Variants in CCAR2 observed in about 807,000 individuals in gnomAD.
The protein encoded by CCAR2 is cell cycle and apoptosis regulator 2.
Under a neutral mutation model 108.1 loss-of-function variants are expected in CCAR2, and 21 were observed. The observed-to-expected ratio is 0.19, with a 90% confidence interval of 0.14 to 0.28. The LOEUF (loss-of-function observed/expected upper bound fraction) is 0.28. CCAR2 is among the 10% of genes least tolerant of loss of function. The pLI is 1.00. For synonymous variants in CCAR2, 577 were observed against 472.8 expected (o/e 1.22, Z -2.86); for missense variants, 1,126 against 1,177.0 (o/e 0.96, Z 0.63).
At chr8:22,616,324 C>T (rs980763312) in intron 14 of CCAR2, 76 bp downstream of exon 14, 92 of 1,398,264 alleles carry the variant, frequency 6.6e-5, no homozygotes, top group African/African-American at 2.6e-4. Context: ...CTGTTCCGAG[C>T]GCTTCCTGTG....
rs183411832 is a variant in CCAR2, at chr8:22,612,456, C to T, written c.585-561C>T. Among the ~76,000 whole-genome samples the T allele has an allele frequency of 3.9e-3, 593 of 150,540 alleles. 4 individuals are homozygous for T. Among genetic ancestry groups the T allele is most frequent in the African/African-American group, 0.014 (572 of 40,912 alleles). On this transcript the variant is annotated intron_variant, in intron 7 of 20. Coordinates refer to ENST00000308511, the MANE Select transcript of CCAR2 (RefSeq NM_001393997.1). ...CTAATTTTTGTATTTTTAGTAGAGA[C>T]GGGGTTTCACCATGTTGGCCAGGAT... is the stretch of plus-strand genomic sequence containing the variant.
chr8:22,608,783 C>G (rs1483473777), intron 7 of CCAR2, among the ~76,000 whole-genome samples: 1 of 152,230 alleles, frequency 6.6e-6, no homozygotes, highest in African/African-American at 2.4e-5. Flanking sequence ...CGTTCTAGTT[C>G]TGTCTTCATT....
chr8:22,619,107 C>A, intron 19 of CCAR2, 43 bp from the exon 20 acceptor site: 2 of 1,601,414 alleles, frequency 1.2e-6, no homozygotes, highest in African/African-American at 1.3e-5. Flanking sequence ...GTGCTCTGGG[C>A]CTTGATGGAG....
chr8:22,617,913 C>A (rs1347061886), intron 16 of CCAR2, 135 bp downstream of exon 16: 1 of 887,924 alleles, frequency 1.1e-6, no homozygotes, highest in Non-Finnish European at 1.8e-6. Flanking sequence ...TGGTCCTTGG[C>A]TCATGGAAGG....
rs201686076 is a variant in CCAR2 at position 22,615,993 on chromosome 8, C to T, written c.1609-19C>T. 1.9e-6 allele frequency: 3 copies of T among 1,613,302 alleles called. No homozygotes were observed. The highest frequency in any genetic ancestry group is 1.3e-5 in the African/African-American group (1 of 74,954). On this transcript the variant is annotated intron_variant, in intron 13 of 20. Coordinates refer to ENST00000308511, the MANE Select transcript of CCAR2 (RefSeq NM_001393997.1). ...GTCTTTCTTCCTGATGCTCATGGAC[C>T]CTCCCACCTCCCCATCAGGTGATGG...
At chr8:22,616,731 G>C (rs1480328499) in intron 14 of CCAR2, 1 of 160,626 alleles carries the variant, frequency 6.2e-6, no homozygotes, top group Non-Finnish European at 1.4e-5. Flanking sequence ...CAGGAGAATC[G>C]CTTGAACCCG....
At position 22,619,749 on chromosome 8, in the gene CCAR2, G is replaced by A. The variant is rs201138536; in HGVS notation, c.*67G>A. On this transcript the variant is annotated 3_prime_UTR_variant, in exon 21 of 21. Transcript: ENST00000308511. Reference sequence around the variant, plus strand: ...CGCCCGGCAAAGTTGGAGCCCTTGCGGTACCAGAAAGCAGCGAGAGCGAGA... The same window carrying A: ...CGCCCGGCAAAGTTGGAGCCCTTGCAGTACCAGAAAGCAGCGAGAGCGAGA... 1.9e-4 allele frequency: 295 copies of A among 1,516,344 alleles called. 1 individual carries two copies. The highest frequency in any genetic ancestry group is 2.2e-4 in the Middle Eastern group (1 of 4,464). 93.9% of individuals were successfully genotyped at this position (1,516,344 alleles called of 1,614,324 possible).
intron 11 of CCAR2, 125 bp downstream of exon 11, chr8:22,615,126 C>T (rs983969275): frequency 7.0e-6 from 9 of 1,283,202 alleles, no homozygotes; most frequent in African/African-American, 4.5e-5. Flanking sequence ...TTCCTTCCCC[C>T]TCTGGTGCCT....
rs1376625320 is a variant in CCAR2, at chr8:22,620,398, C to CTT, written c.*718_*719dup. 3 of 145,646 alleles carry CTT rather than the reference C, an allele frequency of 2.1e-5. No individual in the cohort carries two copies. The highest frequency in any genetic ancestry group is 2.0e-4 in the East Asian group (1 of 4,916). 9.0% of individuals were successfully genotyped at this position (145,646 alleles called of 1,614,324 possible). A position where few individuals can be genotyped will look rare whatever the true frequency, so the allele number is the denominator to read the frequency against. On this transcript the variant is annotated 3_prime_UTR_variant, in exon 21 of 21. Transcript: ENST00000308511. ...TCCATAATCCGTGGTTTCAGTTTGA[C>CTT]TTTGTATATAAAGTTGGGGTTTTTT... is the stretch of plus-strand genomic sequence containing the variant.
At chr8:22,612,784 C>G (rs186726768) in intron 7 of CCAR2, 73 of 354,836 alleles carry the variant, frequency 2.1e-4, no homozygotes, top group African/African-American at 1.5e-3. Context: ...CTGAGGCCTA[C>G]TGTGTATACA....
rs1801501201 is a variant in CCAR2, at chr8:22,616,204, G to A, written c.1801G>A (p.Glu601Lys). The A allele has an allele frequency of 6.2e-7, 1 of 1,613,668 alleles. No individual in the cohort carries two copies. The highest frequency in any genetic ancestry group is 1.3e-5 in the African/African-American group (1 of 74,926). ...GGAGGTGGTCAAGGAGCCCAAGGATGAGGCACAGAATGAGGGCCCGGCTAC... is the reference window on the plus strand; with the variant it reads ...GGAGGTGGTCAAGGAGCCCAAGGATAAGGCACAGAATGAGGGCCCGGCTAC... Reference protein sequence around the residue: ...KEEVVKEPKDEAQNEGPATES... With the variant: ...KEEVVKEPKDKAQNEGPATES... The change falls in exon 14 of 21, where the codon GAG becomes AAG. Residue 601 changes from glutamate to lysine, a missense_variant. Transcript: ENST00000308511.
rs150400388 is a variant in CCAR2, at chr8:22,605,806, G to A, written c.33G>A (p.Pro11=). ...AGTTTAAGCGCCAGCGGATCAACCCGCTTCCAGGGGGACGCAACTTCTCAG... is the reference window on the plus strand; with the variant it reads ...AGTTTAAGCGCCAGCGGATCAACCCACTTCCAGGGGGACGCAACTTCTCAG... MSQFKRQRIN[P]LPGGRNFSGT... The change falls in exon 2 of 21, where the codon CCG becomes CCA. Residue 11 remains proline, a synonymous_variant. Transcript: ENST00000308511. 189 of 1,613,988 alleles carry A rather than the reference G, an allele frequency of 1.2e-4. 2 individuals are homozygous for A. In the African/African-American group the frequency reaches 2.4e-3, roughly 20 times the overall value.
chr8:22,607,105 A>G, intron 5 of CCAR2, 81 bp downstream of exon 5: 1 of 1,608,652 alleles, frequency 6.2e-7, no homozygotes, highest in South Asian at 1.1e-5. Context: ...CAAAACCCTG[A>G]CTTTTGTCAG....
At chr8:22,618,144 T>A (rs57594397) in intron 16 of CCAR2, 1 of 641,794 alleles carries the variant, frequency 1.6e-6, no homozygotes, top group Non-Finnish European at 2.7e-6. Context: ...CAGTGGTTAT[T>A]CACAGGCATG....
rs147744400 is a variant in CCAR2, at chr8:22,617,537, C to G, written c.1963C>G (p.Leu655Val). The change falls in exon 15 of 21, where the codon CTG becomes GTG. Residue 655 changes from leucine (L) to valine (V), a missense_variant. Leu to Val is a conservative substitution (Grantham distance 32). Around this residue, in one of 4 missense-constraint regions of CCAR2, gnomAD observed 1,013 missense variants for 993.9 expected, o/e 1.02. Coordinates refer to ENST00000308511, the MANE Select transcript of CCAR2 (RefSeq NM_001393997.1). ...EMALDPELLLLRDDGEEEFAG... is the reference protein window; with the variant it reads ...EMALDPELLLVRDDGEEEFAG... ...GGCCCTGGACCCAGAACTGTTGCTT[C>G]TGAGGGATGATGGAGAGGAGGAGTT... 3.4e-5 allele frequency: 54 copies of G among 1,601,680 alleles called. No homozygotes were observed. The African/African-American group carries it at 6.2e-4, about 18-fold the overall frequency.
intron 7 of CCAR2, among the ~76,000 whole-genome samples, chr8:22,609,789 A>G (rs150248123): frequency 2.0e-5 from 3 of 152,256 alleles, no homozygotes; most frequent in Admixed American, 6.5e-5. Context: ...GGCTTTCTCT[A>G]TCAGTTGCAT....
intron 6 of CCAR2, among the ~76,000 whole-genome samples, chr8:22,607,759 G>C (rs1272566710): frequency 6.6e-6 from 1 of 152,076 alleles, no homozygotes; most frequent in Non-Finnish European, 1.5e-5. Context: ...TGAGTAGCTG[G>C]GACTACAGGC....
intron 14 of CCAR2, chr8:22,616,659 T>C (rs188411125): frequency 1.1e-5 from 2 of 185,038 alleles, no homozygotes; most frequent in African/African-American, 4.7e-5. Context: ...CTACTAAAAA[T>C]ACAAAAATTA....
At chr8:22,619,406 A>G (rs755242876) in intron 20 of CCAR2, 51 bp downstream of exon 20, 80 of 1,536,812 alleles carry the variant, frequency 5.2e-5, no homozygotes, top group Non-Finnish European at 6.8e-5. Flanking sequence ...CCTGAGCTCC[A>G]AAAGTCCCCA....
Sources: gnomAD v4.1 joint callset for allele counts (sites outside exome capture counted in the v4.1 genomes callset) on GRCh38, gnomAD v4.1.1 for gene constraint, gnomAD v4.1.1 regional missense constraint, MANE v1.5 for transcripts, NCBI Gene and HGNC (gene_info 2026-07-23, HGNC 2026-07-21) for gene names.